TEX11: variants seen among roughly 807,000 people sequenced by gnomAD.
TEX11 encodes testis-expressed protein 11.
Under a neutral mutation model 84.4 loss-of-function variants are expected in TEX11, and 7 were observed. The ratio of observed to expected loss-of-function variants is 0.08; its 90% confidence interval spans 0.05 to 0.16. The LOEUF (loss-of-function observed/expected upper bound fraction) is 0.16. Among genes scored for constraint, TEX11 ranks in the 10% least tolerant of loss-of-function variants. TEX11 has a pLI of 1.00. For missense variants in TEX11, 551 were observed against 660.5 expected (o/e 0.83, Z 1.82); for synonymous variants, 264 against 222.8 (o/e 1.18, Z -1.64).
At chrX:70,546,185 T>TA (rs2088121410) in intron 28 of TEX11, among the ~76,000 whole-genome samples, 1 of 112,096 alleles carries the variant, frequency 8.9e-6, no homozygotes, top group Non-Finnish European at 1.9e-5. Context: ...GGAGTGATAT[T>TA]AATATGCAAC....
intron 28 of TEX11, among the ~76,000 whole-genome samples, chrX:70,550,926 G>A (rs1270614363): frequency 8.9e-6 from 1 of 111,777 alleles, no homozygotes; most frequent in East Asian, 2.8e-4. Flanking sequence ...AAGGAAATCA[G>A]TATATCAAAG....
chrX:70,662,664 C>A (rs1285589516), intron 16 of TEX11, among the ~76,000 whole-genome samples: 1 of 111,791 alleles, frequency 8.9e-6, no homozygotes, highest in African/African-American at 3.3e-5. Context: ...AACAGCTGAT[C>A]TCTCGGCAGA....
At chrX:70,702,082 T>C (rs1465356252) in intron 13 of TEX11, among the ~76,000 whole-genome samples, 1 of 111,998 alleles carries the variant, frequency 8.9e-6, no homozygotes, top group Non-Finnish European at 1.9e-5. Context: ...ATTTAGTTGA[T>C]AAAGCAGTGG....
intron 8 of TEX11, among the ~76,000 whole-genome samples, chrX:70,821,399 G>C (rs938094857): frequency 1.8e-5 from 2 of 111,357 alleles, no homozygotes; most frequent in African/African-American, 3.3e-5. Context: ...TCATAGGGGT[G>C]GATTTCCCTT....
At chrX:70,706,220 A>T (rs917381349) in intron 13 of TEX11, among the ~76,000 whole-genome samples, 4 of 108,667 alleles carry the variant, frequency 3.7e-5, no homozygotes, top group African/African-American at 1.3e-4. Flanking sequence ...AAAAAATCAA[A>T]CACTGCATAT....
chrX:70,825,311 C>CAAAAAAAAAAAAAAAAAAAAA (rs2091339236), intron 8 of TEX11, among the ~76,000 whole-genome samples: 1 of 105,550 alleles, frequency 9.5e-6, no homozygotes, highest in Admixed American at 1.0e-4. Context: ...GACTCAGTCT[C>CAAAAAAAAAAAAAAAAAAAAA]AAAAAACAAA....
chrX:70,738,299 CA>C (rs1204858196), intron 11 of TEX11, among the ~76,000 whole-genome samples: 2 of 111,779 alleles, frequency 1.8e-5, no homozygotes, highest in Non-Finnish European at 3.8e-5. Flanking sequence ...AGGATATAAA[CA>C]GACACTTCTC....
intron 9 of TEX11, among the ~76,000 whole-genome samples, chrX:70,753,075 C>A (rs1385886850): frequency 9.1e-6 from 1 of 109,650 alleles, no homozygotes; most frequent in Non-Finnish European, 1.9e-5. Context: ...ACAAGCCCCG[C>A]CACCGTGGGC....
the TEX11 span, among the ~76,000 whole-genome samples, chrX:70,516,688 T>C: frequency 9.0e-6 from 1 of 110,943 alleles, no homozygotes; most frequent in Non-Finnish European, 1.9e-5. Context: ...GGGGATGGCA[T>C]TGAATCTATA....
chrX:70,560,893 G>GTTTTTTTT lies in TEX11; in HGVS notation c.2141-6101_2141-6094dup, dbSNP rs745618647. 1.8e-4 allele frequency among the ~76,000 whole-genome samples: 6 copies of GTTTTTTTT among 33,589 alleles called. 1 individual carries two copies. The highest frequency in any genetic ancestry group is 4.1e-4 in the African/African-American group (3 of 7,239). 29.2% of individuals were successfully genotyped at this position (33,589 alleles called of 115,157 possible). On this transcript the variant is annotated intron_variant, in intron 25 of 29. Transcript: ENST00000374333. ...ACCACAGGTGCATGCCACCACACCG[G>GTTTTTTTT]TTTTTTTTTTTTTTTTTTTTTTTTT...
intron 2 of TEX11, among the ~76,000 whole-genome samples, chrX:70,887,431 C>G (rs898730178): frequency 8.9e-5 from 10 of 112,067 alleles, no homozygotes. Flanking sequence ...CGGCAGTAGC[C>G]TGGCATTACT....
intron 9 of TEX11, among the ~76,000 whole-genome samples, chrX:70,746,077 A>G (rs2090765957): frequency 8.9e-6 from 1 of 111,988 alleles, no homozygotes; most frequent in Non-Finnish European, 1.9e-5. Context: ...AAAATAAACT[A>G]AATCTCAGTA....
chrX:70,621,905 G>A (rs957834988), intron 20 of TEX11, among the ~76,000 whole-genome samples: 1 of 109,799 alleles, frequency 9.1e-6, no homozygotes, highest in Non-Finnish European at 1.9e-5. Flanking sequence ...AATAATCTAG[G>A]AAGGGTCCAT....
At chrX:70,857,667 T>C (rs1340625965) in intron 5 of TEX11, among the ~76,000 whole-genome samples, 1 of 111,815 alleles carries the variant, frequency 8.9e-6, no homozygotes, top group Non-Finnish European at 1.9e-5. Flanking sequence ...TCTTGAGAGG[T>C]CAGGTGCTCC....
chrX:70,556,013 G>T (rs2088281564), intron 25 of TEX11, among the ~76,000 whole-genome samples: 1 of 111,148 alleles, frequency 9.0e-6, no homozygotes, highest in Admixed American at 9.6e-5. Context: ...GTTAATTTGT[G>T]CTTGATCTGC....
intron 8 of TEX11, among the ~76,000 whole-genome samples, chrX:70,823,263 G>A (rs758160971): frequency 1.1e-4 from 12 of 111,048 alleles, no homozygotes; most frequent in East Asian, 2.8e-4. Flanking sequence ...GAAATAGGGC[G>A]ATGTTAGATA....
At chrX:70,893,663 G>A (rs1176486249) in intron 2 of TEX11, among the ~76,000 whole-genome samples, 7 of 111,385 alleles carry the variant, frequency 6.3e-5, no homozygotes, top group Non-Finnish European at 1.1e-4. Flanking sequence ...ACAATTAAAA[G>A]AACTAGAGAA....
chrX:70,539,722 T>C (rs920898270), intron 28 of TEX11, among the ~76,000 whole-genome samples: 2 of 111,683 alleles, frequency 1.8e-5, no homozygotes, highest in African/African-American at 6.5e-5. Flanking sequence ...AACTAACTCT[T>C]GAACATTATA....
intron 26 of TEX11, among the ~76,000 whole-genome samples, 195 bp from the exon 27 acceptor site, chrX:70,553,609 T>C (rs981746792): frequency 9.0e-6 from 1 of 111,429 alleles, no homozygotes; most frequent in African/African-American, 3.3e-5. Context: ...CAGAGTAGCA[T>C]GGTGGGATTA....
Sources: gnomAD v4.1 joint callset for allele counts (sites outside exome capture counted in the v4.1 genomes callset) on GRCh38, gnomAD v4.1.1 for gene constraint, MANE v1.5 for transcripts, NCBI Gene and HGNC (gene_info 2026-07-23, HGNC 2026-07-21) for gene names.